Variants in DOK5 observed in about 807,000 individuals in gnomAD.
The protein encoded by DOK5 is docking protein 5, also known as downstream of tyrosine kinase 5.
DOK5 carries 27 observed loss-of-function variants against 43.3 expected under a neutral mutation model. That is an observed-to-expected ratio of 0.62 (90% CI 0.46 to 0.86). The LOEUF is 0.86. Among genes scored for constraint, DOK5 ranks in the 40% least tolerant of loss-of-function variants. The pLI is 0.00. For missense variants in DOK5, 373 were observed against 392.9 expected (o/e 0.95, Z 0.43); for synonymous variants, 146 against 140.1 (o/e 1.04, Z -0.30).
chr20:54,642,217 G>T (rs1380490209), intron 6 of DOK5, among the ~76,000 whole-genome samples: 1 of 152,016 alleles, frequency 6.6e-6, no homozygotes, highest in Non-Finnish European at 1.5e-5. Flanking sequence ...GATGTGGTTG[G>T]TCAGGCTGTT....
At chr20:54,628,020 TACTC>T (rs1978378237) in intron 6 of DOK5, among the ~76,000 whole-genome samples, 1 of 152,196 alleles carries the variant, frequency 6.6e-6, no homozygotes, top group South Asian at 2.1e-4. Context: ...CAGTGAGACA[TACTC>T]ACTGATCAGT....
chr20:54,552,395 T>A (rs943905104), intron 1 of DOK5, among the ~76,000 whole-genome samples: 1 of 152,026 alleles, frequency 6.6e-6, no homozygotes, highest in Non-Finnish European at 1.5e-5. Context: ...TGCAGACAGA[T>A]AATATATGTA....
chr20:54,540,175 A>G (rs1292075838), intron 1 of DOK5, among the ~76,000 whole-genome samples: 5 of 151,864 alleles, frequency 3.3e-5, no homozygotes, highest in African/African-American at 7.3e-5. Flanking sequence ...AAAAATACCT[A>G]TTGGGTGCAT....
chr20:54,558,000 C>G (rs1984771732), intron 2 of DOK5, among the ~76,000 whole-genome samples: 1 of 152,166 alleles, frequency 6.6e-6, no homozygotes, highest in South Asian at 2.1e-4. Flanking sequence ...ATAGTGAACA[C>G]TTTTAAAAGT....
At chr20:54,566,463 A>G (rs1985101308) in intron 2 of DOK5, among the ~76,000 whole-genome samples, 1 of 152,148 alleles carries the variant, frequency 6.6e-6, no homozygotes. Context: ...GCTGGGTCAT[A>G]TGGTAGTTGC....
At chr20:54,612,305 G>C (rs1986676164) in intron 6 of DOK5, among the ~76,000 whole-genome samples, 1 of 152,176 alleles carries the variant, frequency 6.6e-6, no homozygotes, top group South Asian at 2.1e-4. Flanking sequence ...CGAGAAACCA[G>C]GCTTGAAGAC....
At chr20:54,585,233 A>G (rs1985766952) in intron 2 of DOK5, among the ~76,000 whole-genome samples, 1 of 152,062 alleles carries the variant, frequency 6.6e-6, no homozygotes, top group African/African-American at 2.4e-5. Flanking sequence ...GTTGCTTTAA[A>G]ATTTGATTGT....
intron 5 of DOK5, among the ~76,000 whole-genome samples, chr20:54,607,252 A>C (rs1266580959): frequency 1.3e-5 from 2 of 151,820 alleles, no homozygotes. Flanking sequence ...TCTGGATACC[A>C]TGCTTAGACA....
intron 1 of DOK5, among the ~76,000 whole-genome samples, chr20:54,544,756 T>C (rs574019476): frequency 2.0e-5 from 3 of 151,900 alleles, no homozygotes; most frequent in African/African-American, 7.2e-5. Flanking sequence ...CACTCCTGGG[T>C]GGGGGCCACA....
chr20:54,620,745 C>T (rs1028364201), intron 6 of DOK5, among the ~76,000 whole-genome samples: 2 of 152,038 alleles, frequency 1.3e-5, no homozygotes, highest in African/African-American at 2.4e-5. Context: ...GAAGATGATG[C>T]GTACACAAAT....
intron 6 of DOK5, among the ~76,000 whole-genome samples, chr20:54,637,970 T>A (rs575950888): frequency 2.6e-5 from 4 of 151,866 alleles, no homozygotes; most frequent in Non-Finnish European, 4.4e-5. Context: ...AAAATACAAA[T>A]AATCAGCCAG....
At chr20:54,539,999 G>A (rs1414257468) in intron 1 of DOK5, among the ~76,000 whole-genome samples, 2 of 152,206 alleles carry the variant, frequency 1.3e-5, no homozygotes, top group Admixed American at 6.5e-5. Context: ...GGCCTATTAT[G>A]AGTGAAGTAG....
chr20:54,549,419 T>C (rs1214268933), intron 1 of DOK5, among the ~76,000 whole-genome samples: 3 of 152,240 alleles, frequency 2.0e-5, no homozygotes, highest in African/African-American at 7.2e-5. Context: ...TTGTATGTTA[T>C]AGTTTGACAT....
Position 54,504,542 on chromosome 20 carries a change from C to T in DOK5, c.66+28530C>T, listed in dbSNP as rs79014992. ...CATGAAAAATGAGTATCTTTCTCAA[C>T]GTGAGGTTCTGTGCCATTTGTTGCC... On this transcript the variant is annotated intron_variant, in intron 1 of 7. Coordinates refer to ENST00000262593, the MANE Select transcript of DOK5 (RefSeq NM_018431.5). Among the ~76,000 whole-genome samples the T allele has an allele frequency of 5.8e-3, 884 of 152,258 alleles. 3 individuals carry two copies. The highest frequency in any genetic ancestry group is 7.9e-3 in the Non-Finnish European group (534 of 68,018).
intron 2 of DOK5, among the ~76,000 whole-genome samples, chr20:54,582,511 C>A (rs1985675651): frequency 6.6e-6 from 1 of 151,330 alleles, no homozygotes; most frequent in Non-Finnish European, 1.5e-5. Flanking sequence ...GCCATCTGAT[C>A]ATGTGTATTT....
chr20:54,626,877 C>T (rs973409438), intron 6 of DOK5, among the ~76,000 whole-genome samples: 3 of 152,174 alleles, frequency 2.0e-5, no homozygotes, highest in African/African-American at 4.8e-5. Context: ...GCAATCTGGC[C>T]TATGACTGTT....
At chr20:54,587,836 G>T (rs1467009334) in intron 2 of DOK5, among the ~76,000 whole-genome samples, 1 of 152,174 alleles carries the variant, frequency 6.6e-6, no homozygotes, top group African/African-American at 2.4e-5. Flanking sequence ...CAGAGGCCCT[G>T]TAACCACTGA....
intron 1 of DOK5, among the ~76,000 whole-genome samples, chr20:54,507,882 T>C (rs893734818): frequency 1.3e-5 from 2 of 152,028 alleles, no homozygotes; most frequent in African/African-American, 4.8e-5. Context: ...GTTTAAAGAG[T>C]TCATGATGAG....
chr20:54,581,547 CTT>C (rs1427103554), intron 2 of DOK5, among the ~76,000 whole-genome samples: 1 of 151,660 alleles, frequency 6.6e-6, no homozygotes, highest in African/African-American at 2.4e-5. Context: ...TTATCTGTGT[CTT>C]TTAAAATGAA....
Sources: gnomAD v4.1 joint callset for allele counts (sites outside exome capture counted in the v4.1 genomes callset) on GRCh38, gnomAD v4.1.1 for gene constraint, MANE v1.5 for transcripts, NCBI Gene and HGNC (gene_info 2026-07-23, HGNC 2026-07-21) for gene names.